The following ZFTA variants were observed in gnomAD, a reference collection of about 807,000 sequenced individuals.
ZFTA encodes the protein zinc finger translocation-associated protein.
In ZFTA, 35 loss-of-function variants were observed where a neutral mutation model predicts 41.8. That is an observed-to-expected ratio of 0.84 (90% CI 0.64 to 1.11). The LOEUF (loss-of-function observed/expected upper bound fraction) is 1.11. Ranked by LOEUF, ZFTA falls within the 50% of genes most tolerant of loss-of-function variation. ZFTA has a pLI of 0.00. For missense variants in ZFTA, 964 were observed against 989.8 expected (o/e 0.97, Z 0.35); for synonymous variants, 514 against 436.4 (o/e 1.18, Z -2.22).
In ZFTA at chr11:63,766,004, T is replaced by G. The variant is rs2014739307; in HGVS notation, c.440A>C (p.Gln147Pro). ...KLSTIKRHIR[Q>P]KHPYSLHWSP... ...CCAATGCAAGGAGTAGGGGTGCTTT[T>G]GGCGGATGTGGCGCTTGATGGTGCT... Residue 147 changes from glutamine to proline, a missense_variant, in exon 2 of 5, where the codon CAA becomes CCA. Gln to Pro is a moderately conservative substitution (Grantham distance 76, BLOSUM62 -1). This residue lies in a region of ZFTA where 141 missense variants were observed against 216.7 expected (regional missense o/e 0.65). Coordinates refer to ENST00000433688, the MANE Select transcript of ZFTA (RefSeq NM_001144936.2). The G allele has an allele frequency of 6.4e-7, 1 of 1,551,420 alleles. No homozygotes were observed. The highest frequency in any genetic ancestry group is 8.7e-7 in the Non-Finnish European group (1 of 1,146,898).
Position 63,765,950 on chromosome 11 carries a change from T to C in ZFTA, c.494A>G (p.Asn165Ser). The C allele has an allele frequency of 6.4e-7, 1 of 1,551,700 alleles. No homozygotes were observed. The highest frequency in any genetic ancestry group is 8.7e-7 in the Non-Finnish European group (1 of 1,146,984). ...WSPREKEVIS[N>S]SWDAHLGLGA... ...CAGCCCCAGGTGTGCATCCCAGCTGTTGCTGATGACTTCCTTCTCCCGGGG... is the reference window on the plus strand; with the variant it reads ...CAGCCCCAGGTGTGCATCCCAGCTGCTGCTGATGACTTCCTTCTCCCGGGG... Residue 165 changes from asparagine (N) to serine (S), a missense_variant, in exon 2 of 5, where the codon AAC (asparagine) becomes AGC (serine). Asn to Ser is a conservative substitution (Grantham distance 46, BLOSUM62 1). Around this residue, in one of 5 missense-constraint regions of ZFTA, gnomAD observed 141 missense variants for 216.7 expected, o/e 0.65. Transcript: ENST00000433688. The surrounding 1 kb of genome is among the most constrained non-coding windows in gnomAD (Gnocchi z 4.0).
In ZFTA at chr11:63,764,099, T is replaced by A; in HGVS notation, c.1524A>T (p.Ala508=). ...CGTCCCCTCCCCCCTCGTCGGAGGC[T>A]GCGGCAGTGCCGGGGGGGATGGGGC... The part of the protein sequence containing the change: ...PQGPIPPGTA[A]ASDEGGGDEE... Residue 508 remains alanine, a synonymous_variant, in exon 4 of 5, where the codon GCA becomes GCT. Coordinates refer to ENST00000433688, the MANE Select transcript of ZFTA (RefSeq NM_001144936.2). The A allele has an allele frequency of 7.5e-7, 1 of 1,337,608 alleles. No homozygotes were observed. The highest frequency in any genetic ancestry group is 9.5e-7 in the Non-Finnish European group (1 of 1,049,430). 82.9% of individuals were successfully genotyped at this position (1,337,608 alleles called of 1,614,324 possible). A position where few individuals can be genotyped will look rare whatever the true frequency, so the allele number is the denominator to read the frequency against.
intron 1 of ZFTA, among the ~76,000 whole-genome samples, chr11:63,767,079 T>C (rs2014757531): frequency 6.6e-6 from 1 of 152,156 alleles, no homozygotes; most frequent in African/African-American, 2.4e-5. Flanking sequence ...GGGGCTTTAT[T>C]TGCTGCTCTG....
Position 63,763,321 on chromosome 11 carries a change from G to C in ZFTA, c.*97C>G. ...CGCGGCCGCGGGAAGCGCTAACACC[G>C]GACGCGAGGGTCTCCCAGCCGAAGG... On this transcript the variant is annotated 3_prime_UTR_variant, in exon 5 of 5. Coordinates refer to ENST00000433688, the MANE Select transcript of ZFTA (RefSeq NM_001144936.2). The C allele has an allele frequency of 8.5e-6, 8 of 946,726 alleles. No homozygotes were observed. Among genetic ancestry groups the C allele is most frequent in the Non-Finnish European group, 9.2e-6 (7 of 759,200 alleles). 58.6% of individuals were successfully genotyped at this position (946,726 alleles called of 1,614,324 possible). A position where few individuals can be genotyped will look rare whatever the true frequency, so the allele number is the denominator to read the frequency against.
rs1010418671 is a variant in ZFTA, at chr11:63,763,802, G to A, written c.1653C>T (p.Asp551=). 6.9e-7 allele frequency: 1 copy of A among 1,448,782 alleles called. No homozygotes were observed. 89.7% of individuals were successfully genotyped at this position (1,448,782 alleles called of 1,614,324 possible). Residue 551 remains aspartate, a synonymous_variant, in exon 5 of 5, where the codon GAC becomes GAT. Transcript: ENST00000433688. The stretch of plus-strand genomic sequence containing the variant: ...AGGCGAGTCCCCCAGGCTCCTGGCC[G>A]TCCTCTTCGTCCTCCTCTTCTTCGG... ...RPAEEEEDEE[D]GQEPGGLALP...
chr11:63,765,144 C>T lies in ZFTA; in HGVS notation c.748G>A (p.Gly250Arg). 1.3e-6 allele frequency: 2 copies of T among 1,547,100 alleles called. No individual in the cohort carries two copies. The highest frequency in any genetic ancestry group is 1.7e-6 in the Non-Finnish European group (2 of 1,146,098). ...SASRRAGGSR[G>R]LGARRLERRL... ...CTCTCCAGGCGCCGGGCCCCCAGCCCCCTGCTGCCCCCGGCCCTCCGGGAG... is the reference window on the plus strand; with the variant it reads ...CTCTCCAGGCGCCGGGCCCCCAGCCTCCTGCTGCCCCCGGCCCTCCGGGAG... Residue 250 changes from glycine to arginine, a missense_variant, in exon 3 of 5, where the codon GGG becomes AGG. Transcript: ENST00000433688. This position sits in a 1 kb window ranked among gnomAD's most constrained non-coding sequence, Gnocchi z 4.0.
At position 63,763,883 on chromosome 11, in the gene ZFTA, A is replaced by T. The variant is rs909751844; in HGVS notation, c.1586-14T>A. On this transcript the variant is annotated splice_polypyrimidine_tract_variant and intron_variant, in intron 4 of 4. Transcript: ENST00000433688. The stretch of plus-strand genomic sequence containing the variant: ...GCGGAACGTCGCCTAAGGAGGGACA[A>T]AGGACCGCATTGGCGACGGCGGGGG... 6 of 1,418,322 alleles carry T rather than the reference A, an allele frequency of 4.2e-6. No homozygotes were observed. In the East Asian group the frequency reaches 1.1e-4, roughly 26 times the overall value. The allele number at this position is 1,418,322 out of a possible 1,614,324, so 87.9% of individuals were successfully genotyped here.
Position 63,763,526 on chromosome 11 carries a change from G to C in ZFTA, c.1929C>G (p.Tyr643Ter). The C allele has an allele frequency of 1.9e-6, 3 of 1,545,354 alleles. No individual in the cohort carries two copies. Among genetic ancestry groups the C allele is most frequent in the Non-Finnish European group, 2.6e-6 (3 of 1,143,834 alleles). Residue 643 changes from tyrosine to a stop codon, truncating the protein, a stop_gained, in exon 5 of 5, where the codon TAC becomes TAG. Coordinates refer to ENST00000433688, the MANE Select transcript of ZFTA (RefSeq NM_001144936.2). LOFTEE classifies it low-confidence loss of function (END_TRUNC). ...CGTAGCAGCGCAGCGCCGCCTCCTC[G>C]TAGGCCTCCAGGATAGTCTGGCGCT... ...PEERQTILEA[Y>*]EEAALRCYGH...
At position 63,768,551 on chromosome 11, in the gene ZFTA, C is replaced by G. The variant is rs1040677294; in HGVS notation, c.72G>C (p.Ser24=). ...CGGGCGGCAGCCGTCGGCCCCGTGC[C>G]GAGGCCACTGCTGGCCCGGGGCCGC... ...GRGGPGPAVA[S]ARGRRLPPAG... is the part of the protein sequence containing the mutation. Residue 24 remains serine (S), a synonymous_variant, in exon 1 of 5, where the codon TCG becomes TCC. Transcript: ENST00000433688. The G allele has an allele frequency of 6.2e-6, 7 of 1,133,274 alleles. No individual in the cohort carries two copies. The highest frequency in any genetic ancestry group is 2.4e-5 in the South Asian group (1 of 41,054). 70.2% of individuals were successfully genotyped at this position (1,133,274 alleles called of 1,614,324 possible).
rs961041391 is a variant in ZFTA, at chr11:63,763,156, C to G, written c.*262G>C. ...ATTCTCGGAAAACGTGGGCCCTGCG[C>G]GGGGAGGGCAGGGCTCCGGGCCGAT... On this transcript the variant is annotated 3_prime_UTR_variant, in exon 5 of 5. Transcript: ENST00000433688. 10 of 189,758 alleles carry G rather than the reference C, an allele frequency of 5.3e-5. No individual in the cohort carries two copies. Among genetic ancestry groups the G allele is most frequent in the African/African-American group, 2.4e-4 (10 of 41,974 alleles). The allele number at this position is 189,758 out of a possible 1,614,324, so 11.8% of individuals were successfully genotyped here. A position where few individuals can be genotyped will look rare whatever the true frequency, so the allele number is the denominator to read the frequency against.
At position 63,765,075 on chromosome 11, in the gene ZFTA, G is replaced by A; in HGVS notation, c.817C>T (p.Leu273Phe). Reference sequence around the variant, plus strand: ...TTCCCCCGCGGGTCATAGTCCATGAGACACTCGGCCCGGAACCAGTTCTGC... The same window carrying A: ...TTCCCCCGCGGGTCATAGTCCATGAAACACTCGGCCCGGAACCAGTTCTGC... ...SLQNWFRAEC[L>F]MDYDPRGNRL... The change falls in exon 3 of 5, where the codon CTC (leucine) becomes TTC (phenylalanine). Residue 273 changes from leucine (L) to phenylalanine (F), a missense_variant. Transcript: ENST00000433688. The surrounding 1 kb of genome is among the most constrained non-coding windows in gnomAD (Gnocchi z 4.0). 2 of 1,548,998 alleles carry A rather than the reference G, an allele frequency of 1.3e-6. No homozygotes were observed. Among genetic ancestry groups the A allele is most frequent in the Non-Finnish European group, 1.7e-6 (2 of 1,146,508 alleles).
In ZFTA at chr11:63,760,690, G is replaced by A. The variant is rs950496171; in HGVS notation, c.*2728C>T. On this transcript the variant is annotated 3_prime_UTR_variant, in exon 5 of 5. Transcript: ENST00000433688. ...GAGGCCATAACTTCCATCAAAGCAG[G>A]AATCAATGGAATCACTACCGCAGCC... The A allele has an allele frequency of 6.6e-6, 1 of 152,164 alleles. No individual in the cohort carries two copies. Among genetic ancestry groups the A allele is most frequent in the African/African-American group, 2.4e-5 (1 of 41,436 alleles). The allele number at this position is 152,164 out of a possible 1,614,324, so 9.4% of individuals were successfully genotyped here. A position where few individuals can be genotyped will look rare whatever the true frequency, so the allele number is the denominator to read the frequency against.
At position 63,763,341 on chromosome 11, in the gene ZFTA, C is replaced by G; in HGVS notation, c.*77G>C. On this transcript the variant is annotated 3_prime_UTR_variant, in exon 5 of 5. Coordinates refer to ENST00000433688, the MANE Select transcript of ZFTA (RefSeq NM_001144936.2). ...ACACCGGACGCGAGGGTCTCCCAGCCGAAGGGCCGGGCGAGCACAGGGCGG... is the reference window on the plus strand; with the variant it reads ...ACACCGGACGCGAGGGTCTCCCAGCGGAAGGGCCGGGCGAGCACAGGGCGG... 9.2e-7 allele frequency: 1 copy of G among 1,083,642 alleles called. No individual in the cohort carries two copies. Among genetic ancestry groups the G allele is most frequent in the Non-Finnish European group, 1.1e-6 (1 of 879,276 alleles). 67.1% of individuals were successfully genotyped at this position (1,083,642 alleles called of 1,614,324 possible).
chr11:63,764,783 T>C, intron 3 of ZFTA, 85 bp downstream of exon 3: 1 of 1,420,786 alleles, frequency 7.0e-7, no homozygotes, highest in Non-Finnish European at 9.2e-7. Context: ...CCCTCAGCCC[T>C]AAGTCCCTGC....
chr11:63,765,268 A>AGG lies in ZFTA; in HGVS notation c.638-16_638-15dup. On this transcript the variant is annotated splice_polypyrimidine_tract_variant and intron_variant, in intron 2 of 4. Transcript: ENST00000433688. The surrounding 1 kb of genome is among the most constrained non-coding windows in gnomAD (Gnocchi z 4.0). ...CTGGGGCTTTGCCTGAAAGGGTTGG[A>AGG]GGGAAGGAACTGAGACGCTGGCCCC... 1 of 1,441,836 alleles carries AGG rather than the reference A, an allele frequency of 6.9e-7. No individual in the cohort carries two copies. The allele number at this position is 1,441,836 out of a possible 1,614,324, so 89.3% of individuals were successfully genotyped here. A position where few individuals can be genotyped will look rare whatever the true frequency, so the allele number is the denominator to read the frequency against.
Position 63,763,455 on chromosome 11 carries a change from C to CCGCCGTCACGCGG in ZFTA, c.1987_1999dup (p.Gly667AlafsTer3), listed in dbSNP as rs1413918248. ...CACAGCGCCAGACTTGAGGTCCGCGCCGCCGTCACGCGGCGCCGGGGCGGG... is the reference window on the plus strand; with the variant it reads ...CACAGCGCCAGACTTGAGGTCCGCGCCGCCGTCACGCGGCGCCGTCACGCGGCGCCGGGGCGGG... On this transcript the variant is annotated stop_gained and frameshift_variant, in exon 5 of 5. Transcript: ENST00000433688. LOFTEE classifies it high-confidence loss of function. 7.6e-6 allele frequency: 11 copies of CCGCCGTCACGCGG among 1,442,366 alleles called. No homozygotes were observed. Among genetic ancestry groups the CCGCCGTCACGCGG allele is most frequent in the Non-Finnish European group, 1.0e-5 (11 of 1,098,004 alleles). 89.3% of individuals were successfully genotyped at this position (1,442,366 alleles called of 1,614,324 possible). A position where few individuals can be genotyped will look rare whatever the true frequency, so the allele number is the denominator to read the frequency against.
intron 4 of ZFTA, 24 bp from the exon 5 acceptor site, chr11:63,763,893 T>C (rs1044813240): frequency 2.3e-5 from 32 of 1,412,968 alleles, no homozygotes; most frequent in Admixed American, 6.5e-5. Context: ...AAGGACCGCA[T>C]TGGCGACGGC....
rs1345039151 is a variant in ZFTA at position 63,759,897 on chromosome 11, G to A, written c.*3521C>T. ...AAAAAAAAAAACACAAACAATGACT[G>A]TGGCATCATTCTGCTAACTTTATTC... is the stretch of plus-strand genomic sequence containing the variant. On this transcript the variant is annotated 3_prime_UTR_variant, in exon 5 of 5. Coordinates refer to ENST00000433688, the MANE Select transcript of ZFTA (RefSeq NM_001144936.2). 1 of 151,416 alleles carries A rather than the reference G, an allele frequency of 6.6e-6. No homozygotes were observed. Among genetic ancestry groups the A allele is most frequent in the East Asian group, 1.9e-4 (1 of 5,174 alleles). The allele number at this position is 151,416 out of a possible 1,614,324, so 9.4% of individuals were successfully genotyped here.
chr11:63,768,473 C>T lies in ZFTA; in HGVS notation c.139+11G>A. 8.5e-7 allele frequency: 1 copy of T among 1,175,386 alleles called. No homozygotes were observed. Among genetic ancestry groups the T allele is most frequent in the Non-Finnish European group, 1.1e-6 (1 of 941,522 alleles). 72.8% of individuals were successfully genotyped at this position (1,175,386 alleles called of 1,614,324 possible). ...GGGGCCCCCGCCCGGGCCGCCGGCC[C>T]CAGCTCTTACCGCCTTCGTCTTCCT... On this transcript the variant is annotated intron_variant, in intron 1 of 4. Coordinates refer to ENST00000433688, the MANE Select transcript of ZFTA (RefSeq NM_001144936.2).
Sources: gnomAD v4.1 joint callset for allele counts (sites outside exome capture counted in the v4.1 genomes callset) on GRCh38, gnomAD v4.1.1 for gene constraint, gnomAD v4.1.1 regional missense constraint, Gnocchi (gnomAD v3.1) non-coding constraint, MANE v1.5 for transcripts, NCBI Gene and HGNC (gene_info 2026-07-23, HGNC 2026-07-21) for gene names.